HCCS: variants seen among roughly 807,000 people sequenced by gnomAD.
HCCS encodes holocytochrome c-type synthase.
In HCCS, 2 loss-of-function variants were observed where a neutral mutation model predicts 24.2. That is an observed-to-expected ratio of 0.08 (90% confidence interval 0.03 to 0.26). The LOEUF (loss-of-function observed/expected upper bound fraction) is 0.26, where lower values mean the gene tolerates loss of function less well. Ranked by LOEUF, HCCS falls within the 10% of genes least tolerant of loss-of-function variation. The pLI is 1.00. For missense variants in HCCS, 150 were observed against 213.3 expected, an observed-to-expected ratio of 0.70 and a Z score of 1.85; for synonymous variants, 73 against 76.2, an observed-to-expected ratio of 0.96 and a Z score of 0.22.
chrX:11,119,692 G>A (rs913153611), intron 5 of HCCS, among the ~76,000 whole-genome samples: 8 of 112,409 alleles, frequency 7.1e-5, no homozygotes, highest in African/African-American at 2.6e-4. Flanking sequence ...CACAGGCTGG[G>A]CCTCAGGCCT....
In HCCS at chrX:11,118,552, T is replaced by C; in HGVS notation, c.453T>C (p.Ile151=). 2.5e-6 allele frequency: 3 copies of C among 1,188,354 alleles called. No homozygotes were observed. The highest frequency in any genetic ancestry group is 2.2e-5 in the Admixed American group (1 of 46,008). ...DISQKDMYNI[I]RIHNQNNEQA... ...GTCAGAAGGATATGTATAATATCAT[T>C]AGAATTCACAATCAGAATAACGAGC... The change falls in exon 5 of 7, where the codon ATT becomes ATC. Residue 151 remains isoleucine (I), a synonymous_variant. Coordinates refer to ENST00000380762, the MANE Select transcript of HCCS (RefSeq NM_005333.5).
Position 11,121,968 on chromosome X carries a change from T to G in HCCS, c.*158T>G. On this transcript the variant is annotated 3_prime_UTR_variant, in exon 7 of 7. Transcript: ENST00000380762. ...ACGAAGGATACTATGCACTGTTCAC[T>G]TTTGACTTGTGTTGTACCTTGCAGT... The G allele has an allele frequency of 2.1e-6, 1 of 484,697 alleles. No homozygotes were observed. The highest frequency in any genetic ancestry group is 3.0e-5 in the Admixed American group (1 of 33,690). The allele number at this position is 484,697 out of a possible 1,213,427, so 39.9% of individuals were successfully genotyped here. A position where few individuals can be genotyped will look rare whatever the true frequency, so the allele number is the denominator to read the frequency against.
intron 4 of HCCS, 32 bp from the exon 5 acceptor site, chrX:11,118,469 G>A: frequency 8.5e-7 from 1 of 1,176,325 alleles, no homozygotes; most frequent in Non-Finnish European, 1.2e-6. Context: ...ATCAGGAACA[G>A]TTGTCAAATT....
intron 2 of HCCS, among the ~76,000 whole-genome samples, chrX:11,112,811 G>A (rs1282994272): frequency 8.9e-6 from 1 of 112,613 alleles, no homozygotes; most frequent in Non-Finnish European, 1.9e-5. Context: ...GGGGACATTT[G>A]CCAATATCTG....
Position 11,114,865 on chromosome X carries a change from C to T in HCCS, c.131C>T (p.Pro44Leu). The change falls in exon 3 of 7, where the codon CCA (proline) becomes CTA (leucine). Residue 44 changes from proline to leucine, a missense_variant. Pro to Leu is a moderately conservative substitution (Grantham distance 98, BLOSUM62 -3). This residue lies in a region of HCCS where 95 missense variants were observed against 79.1 expected (regional missense o/e 1.20). Coordinates refer to ENST00000380762, the MANE Select transcript of HCCS (RefSeq NM_005333.5). ...CCAGTGAATACAGAGCCATCTGGCC[C>T]AACCTGTGAGAAGAAAACATACTCT... Reference protein sequence around the residue: ...GCPVNTEPSGPTCEKKTYSVP... With the variant: ...GCPVNTEPSGLTCEKKTYSVP... The T allele has an allele frequency of 1.7e-6, 2 of 1,209,144 alleles. No individual in the cohort carries two copies. The highest frequency in any genetic ancestry group is 2.2e-5 in the Admixed American group (1 of 46,069).
chrX:11,121,961 T>C lies in HCCS; in HGVS notation c.*151T>C. ...TCACTTAACGAAGGATACTATGCAC[T>C]GTTCACTTTTGACTTGTGTTGTACC... On this transcript the variant is annotated 3_prime_UTR_variant, in exon 7 of 7. Coordinates refer to ENST00000380762, the MANE Select transcript of HCCS (RefSeq NM_005333.5). The C allele has an allele frequency of 2.0e-6, 1 of 490,224 alleles. No homozygotes were observed. The highest frequency in any genetic ancestry group is 5.7e-4 in the Middle Eastern group (1 of 1,762). The allele number at this position is 490,224 out of a possible 1,213,427, so 40.4% of individuals were successfully genotyped here.
rs2045501155 is a variant in HCCS, at chrX:11,122,635, G to A, written c.*825G>A. ...AGTCGGCCTAATCCAAACCTTGAAA[G>A]CCTGGCTTAAGTCCCAGTATCAGTG... On this transcript the variant is annotated 3_prime_UTR_variant, in exon 7 of 7. Coordinates refer to ENST00000380762, the MANE Select transcript of HCCS (RefSeq NM_005333.5). The A allele has an allele frequency of 8.9e-6, 1 of 112,269 alleles. No homozygotes were observed. The highest frequency in any genetic ancestry group is 1.9e-5 in the Non-Finnish European group (1 of 53,247). The allele number at this position is 112,269 out of a possible 1,213,427, so 9.3% of individuals were successfully genotyped here.
intron 6 of HCCS, 90 bp downstream of exon 6, chrX:11,121,083 C>A: frequency 1.4e-6 from 1 of 723,453 alleles, no homozygotes; most frequent in Non-Finnish European, 2.2e-6. Flanking sequence ...AATTGCAGTG[C>A]CATCTTGCAA....
chrX:11,115,110 A>G lies in HCCS; in HGVS notation c.252+124A>G, dbSNP rs2045438807. The G allele has an allele frequency of 4.9e-6, 3 of 615,636 alleles. No homozygotes were observed. In the South Asian group the frequency reaches 6.9e-5, roughly 14 times the overall value. The allele number at this position is 615,636 out of a possible 1,213,427, so 50.7% of individuals were successfully genotyped here. A position where few individuals can be genotyped will look rare whatever the true frequency, so the allele number is the denominator to read the frequency against. ...TCCTTTGAAAACAGAGAAGTTAGAT[A>G]TTCTATCTACAGTGAAAATCTAGAA... On this transcript the variant is annotated intron_variant, in intron 3 of 6. Coordinates refer to ENST00000380762, the MANE Select transcript of HCCS (RefSeq NM_005333.5).
intron 6 of HCCS, among the ~76,000 whole-genome samples, chrX:11,121,247 C>G (rs760683959): frequency 1.8e-5 from 2 of 112,736 alleles, no homozygotes; most frequent in Non-Finnish European, 3.7e-5. Flanking sequence ...CTTACTCTTC[C>G]CGTGATCTGT....
At chrX:11,120,880 A>G (rs1462454257) in intron 5 of HCCS, 27 bp from the exon 6 acceptor site, 2 of 1,126,315 alleles carry the variant, frequency 1.8e-6, no homozygotes, top group Admixed American at 2.2e-5. Context: ...ATATTTTAAC[A>G]GACTTTTCTT....
At chrX:11,115,382 G>C (rs1405054934) in intron 3 of HCCS, among the ~76,000 whole-genome samples, 1 of 112,060 alleles carries the variant, frequency 8.9e-6, no homozygotes, top group Non-Finnish European at 1.9e-5. Context: ...TAGGGTGCCA[G>C]CCTGCCCGAG....
rs1250461849 is a variant in HCCS at position 11,122,098 on chromosome X, C to CCT, written c.*289_*290dup. ...TGTCTGTATATTTCATCTCGAAAAG[C>CCT]CTGAACAACCTCTGAAAAAGAGCTT... is the stretch of plus-strand genomic sequence containing the variant. On this transcript the variant is annotated 3_prime_UTR_variant, in exon 7 of 7. Transcript: ENST00000380762. 1.5e-5 allele frequency: 4 copies of CCT among 268,642 alleles called. No individual in the cohort carries two copies. The highest frequency in any genetic ancestry group is 2.6e-5 in the Non-Finnish European group (4 of 153,443). 22.1% of individuals were successfully genotyped at this position (268,642 alleles called of 1,213,427 possible). A position where few individuals can be genotyped will look rare whatever the true frequency, so the allele number is the denominator to read the frequency against.
At position 11,117,433 on chromosome X, in the gene HCCS, T is replaced by A. The variant is rs1023104363; in HGVS notation, c.401+18T>A. 17 of 1,191,526 alleles carry A rather than the reference T, an allele frequency of 1.4e-5. No individual in the cohort carries two copies. Among genetic ancestry groups the A allele is most frequent in the Non-Finnish European group, 1.9e-5 (17 of 877,536 alleles). On this transcript the variant is annotated intron_variant, in intron 4 of 6. Transcript: ENST00000380762. ...AAGAAAGGGTGAGTGAACATATTAT[T>A]TAAGATAAAAATTTCTTGTCAGAAT...
At chrX:11,112,190 A>G (rs370875862) in intron 2 of HCCS, 30 bp downstream of exon 2, 135 of 1,093,107 alleles carry the variant, frequency 1.2e-4, no homozygotes, top group Non-Finnish European at 1.6e-4. Context: ...GAAAATAAAA[A>G]CAAAAGATAA....
intron 2 of HCCS, among the ~76,000 whole-genome samples, chrX:11,112,634 G>T (rs1402726141): frequency 8.9e-6 from 1 of 112,783 alleles, no homozygotes; most frequent in Non-Finnish European, 1.9e-5. Context: ...GCCTCAGTCT[G>T]TCATCTGTAA....
At chrX:11,116,309 C>T (rs1003342185) in intron 3 of HCCS, 3 of 112,068 alleles carry the variant, frequency 2.7e-5, no homozygotes, top group Non-Finnish European at 5.6e-5. Flanking sequence ...GCTAAAGATA[C>T]TGAGAGTGAA....
At chrX:11,117,150 C>A in intron 3 of HCCS, 117 bp from the exon 4 acceptor site, 1 of 637,015 alleles carries the variant, frequency 1.6e-6, no homozygotes, top group Non-Finnish European at 2.6e-6. Flanking sequence ...ATTTTGATGT[C>A]ACTGATTTAA....
Position 11,122,971 on chromosome X carries a change from T to C in HCCS, c.*1161T>C. The C allele has an allele frequency of 9.0e-6, 1 of 111,538 alleles. No homozygotes were observed. The highest frequency in any genetic ancestry group is 1.9e-5 in the Non-Finnish European group (1 of 53,154). The allele number at this position is 111,538 out of a possible 1,213,427, so 9.2% of individuals were successfully genotyped here. A position where few individuals can be genotyped will look rare whatever the true frequency, so the allele number is the denominator to read the frequency against. ...ATTGGCAGTCTGTGGGTGATTAATTTGGTATGGATTTGTCAGTTTTGTGTG... is the reference window on the plus strand; with the variant it reads ...ATTGGCAGTCTGTGGGTGATTAATTCGGTATGGATTTGTCAGTTTTGTGTG... On this transcript the variant is annotated 3_prime_UTR_variant, in exon 7 of 7. Coordinates refer to ENST00000380762, the MANE Select transcript of HCCS (RefSeq NM_005333.5).
Sources: allele counts gnomAD v4.1 joint callset (sites outside exome capture counted in the v4.1 genomes callset), GRCh38; gene constraint gnomAD v4.1.1; regional missense constraint gnomAD v4.1.1; transcripts MANE v1.5; gene names NCBI Gene and HGNC (gene_info 2026-07-23, HGNC 2026-07-21).